The following ADGRL3 variants were observed in gnomAD, a reference collection of about 807,000 sequenced individuals.
ADGRL3 encodes adhesion G protein-coupled receptor L3.
In ADGRL3, 62 loss-of-function variants were observed where a neutral mutation model predicts 153.5. The ratio of observed to expected loss-of-function variants is 0.40; its 90% CI spans 0.33 to 0.50. ADGRL3 has a LOEUF of 0.50. ADGRL3 is among the 20% of genes least tolerant of loss of function. The pLI is 0.47. For synonymous variants in ADGRL3, 710 were observed against 672.5 expected (o/e 1.06, Z -0.86); for missense variants, 1,641 against 1,859.4 (o/e 0.88, Z 2.16).
At chr4:61,950,202 A>T (rs929958269) in intron 17 of ADGRL3, among the ~76,000 whole-genome samples, 1 of 152,190 alleles carries the variant, frequency 6.6e-6, no homozygotes, top group Non-Finnish European at 1.5e-5. Flanking sequence ...GTGTAATAAT[A>T]ATAAATAAGA....
chr4:61,908,826 C>G (rs2098708717), intron 11 of ADGRL3, among the ~76,000 whole-genome samples: 1 of 151,996 alleles, frequency 6.6e-6, no homozygotes, highest in Non-Finnish European at 1.5e-5. Context: ...GACTTTCTTA[C>G]CAATTAATAT....
chr4:61,414,004 A>G (rs1578720855), intron 2 of ADGRL3, among the ~76,000 whole-genome samples: 1 of 152,122 alleles, frequency 6.6e-6, no homozygotes, highest in Non-Finnish European at 1.5e-5. Flanking sequence ...GTTGTGTATA[A>G]TTTTTCTATA....
intron 2 of ADGRL3, among the ~76,000 whole-genome samples, chr4:61,441,445 C>T (rs2152469171): frequency 6.6e-6 from 1 of 152,208 alleles, no homozygotes. Flanking sequence ...TCAAGCTAGA[C>T]ACCTGTCCAT....
intron 1 of ADGRL3, among the ~76,000 whole-genome samples, chr4:61,339,191 A>T: frequency 6.6e-6 from 1 of 152,200 alleles, no homozygotes; most frequent in East Asian, 1.9e-4. Flanking sequence ...TTATAAGAGT[A>T]GTCCTATTAG....
At chr4:61,419,796 ATTT>A (rs200189725) in intron 2 of ADGRL3, among the ~76,000 whole-genome samples, 65 of 143,800 alleles carry the variant, frequency 4.5e-4, no homozygotes, top group African/African-American at 1.4e-3. Context: ...ACATATTTAG[ATTT>A]TTTTTTTTTT....
At position 61,501,841 on chromosome 4, in the gene ADGRL3, A is replaced by AT. The variant is rs1359930136; in HGVS notation, c.55+4499dup. On this transcript the variant is annotated intron_variant, in intron 3 of 26. Coordinates refer to ENST00000683033, the MANE Select transcript of ADGRL3 (RefSeq NM_001387552.1). ...CATCAATATCACATAAATATGTACA[A>AT]TTTTTTAAATTAGGAAATGTCCCTG... is the stretch of plus-strand genomic sequence containing the variant. 3.9e-5 allele frequency among the ~76,000 whole-genome samples: 6 copies of AT among 152,162 alleles called. No homozygotes were observed. In the East Asian group the frequency reaches 1.2e-3, roughly 29 times the overall value.
chr4:61,618,741 A>G (rs1394050860), intron 5 of ADGRL3, among the ~76,000 whole-genome samples: 2 of 152,074 alleles, frequency 1.3e-5, no homozygotes, highest in South Asian at 2.1e-4. Context: ...TTTTGAGACA[A>G]AGTCTCACTC....
intron 1 of ADGRL3, among the ~76,000 whole-genome samples, chr4:61,267,304 T>A (rs2092908212): frequency 6.6e-6 from 1 of 151,746 alleles, no homozygotes; most frequent in African/African-American, 2.4e-5. Context: ...GGAATAAAAG[T>A]CTCTGCTCCC....
chr4:61,562,635 T>C (rs1468519418), intron 4 of ADGRL3, among the ~76,000 whole-genome samples: 1 of 152,096 alleles, frequency 6.6e-6, no homozygotes, highest in Non-Finnish European at 1.5e-5. Context: ...AGTTTGATCA[T>C]GAGATTGCAG....
At chr4:61,620,634 C>CTTTTTTTTTT (rs71664993) in intron 5 of ADGRL3, among the ~76,000 whole-genome samples, 2 of 69,704 alleles carry the variant, frequency 2.9e-5, no homozygotes, top group South Asian at 6.7e-4. Flanking sequence ...TAAATTGTGA[C>CTTTTTTTTTT]TTTTTTTTTT....
intron 9 of ADGRL3, among the ~76,000 whole-genome samples, chr4:61,846,808 A>G (rs1013602800): frequency 1.3e-5 from 2 of 151,766 alleles, no homozygotes; most frequent in African/African-American, 4.8e-5. Flanking sequence ...GGCATGTCAC[A>G]TGGTGAAAGC....
chr4:61,406,639 G>A (rs1357844676), intron 2 of ADGRL3, among the ~76,000 whole-genome samples: 3 of 151,618 alleles, frequency 2.0e-5, no homozygotes, highest in African/African-American at 7.3e-5. Flanking sequence ...AAAAATACTA[G>A]GATATATATG....
At chr4:61,334,147 C>T (rs2151015164) in intron 1 of ADGRL3, among the ~76,000 whole-genome samples, 1 of 152,118 alleles carries the variant, frequency 6.6e-6, no homozygotes, top group South Asian at 2.1e-4. Flanking sequence ...AAACTCCTGG[C>T]CTCAAGTTAT....
intron 8 of ADGRL3, among the ~76,000 whole-genome samples, chr4:61,767,842 G>A (rs2097018019): frequency 6.6e-6 from 1 of 152,038 alleles, no homozygotes; most frequent in Non-Finnish European, 1.5e-5. Context: ...ATGTGGCTGA[G>A]GTTTGTCTCA....
At chr4:61,402,247 C>T (rs2096938103) in intron 2 of ADGRL3, among the ~76,000 whole-genome samples, 1 of 152,020 alleles carries the variant, frequency 6.6e-6, no homozygotes, top group Non-Finnish European at 1.5e-5. Flanking sequence ...CTGTTTTGTA[C>T]AGGAAGGGGT....
At chr4:62,063,543 C>T (rs1417737603) in intron 25 of ADGRL3, 9 of 698,156 alleles carry the variant, frequency 1.3e-5, no homozygotes, top group South Asian at 4.5e-5. Flanking sequence ...TGCTCTGCTT[C>T]GTCCGCATGG....
chr4:61,712,316 C>T lies in ADGRL3; in HGVS notation c.584-18306C>T, dbSNP rs992945249. Among the ~76,000 whole-genome samples, 5 of 151,948 alleles carry T rather than the reference C, an allele frequency of 3.3e-5. No homozygotes were observed. The East Asian group carries it at 9.7e-4, about 29-fold the overall frequency. On this transcript the variant is annotated intron_variant, in intron 6 of 26. Transcript: ENST00000683033. ...GCTGAGGCAGGAGGGTCACTTAAGC[C>T]TGGAAGGTTGAGGCTACTGTGAGGC...
intron 8 of ADGRL3, among the ~76,000 whole-genome samples, chr4:61,793,947 T>C (rs2097374786): frequency 6.6e-6 from 1 of 152,194 alleles, no homozygotes; most frequent in South Asian, 2.1e-4. Flanking sequence ...AAGTAAAATA[T>C]AGATTTAAAG....
At chr4:61,925,109 G>A (rs538855139) in intron 13 of ADGRL3, among the ~76,000 whole-genome samples, 88 of 152,154 alleles carry the variant, frequency 5.8e-4, no homozygotes, top group African/African-American at 2.0e-3. Context: ...TATCTCTGTG[G>A]TTTTCTTTTT....
Sources: allele counts gnomAD v4.1 joint callset (sites outside exome capture counted in the v4.1 genomes callset), GRCh38; gene constraint gnomAD v4.1.1; transcripts MANE v1.5; gene names NCBI Gene and HGNC (gene_info 2026-07-23, HGNC 2026-07-21).